The following TMEM132D variants were observed in gnomAD, a reference collection of about 807,000 sequenced individuals.
TMEM132D encodes the protein mature OL transmembrane protein.
Under a neutral mutation model 62.3 loss-of-function variants are expected in TMEM132D, and 21 were observed. The observed-to-expected ratio is 0.34, with a 90% CI of 0.24 to 0.49. TMEM132D has a LOEUF of 0.49. Among genes scored for constraint, TMEM132D ranks in the 20% least tolerant of loss-of-function variants. TMEM132D has a pLI of 0.99. For missense variants in TMEM132D, 1,346 were observed against 1,402.8 expected (o/e 0.96, Z 0.65); for synonymous variants, 621 against 575.6 (o/e 1.08, Z -1.13).
chr12:129,790,032 A>G (rs1871357278), intron 1 of TMEM132D, among the ~76,000 whole-genome samples: 1 of 152,200 alleles, frequency 6.6e-6, no homozygotes, highest in Admixed American at 6.5e-5. Flanking sequence ...TGCTAGAACT[A>G]GCGGGCTGCT....
chr12:129,606,319 G>A (rs1051747825), intron 2 of TMEM132D, among the ~76,000 whole-genome samples: 1 of 152,156 alleles, frequency 6.6e-6, no homozygotes, highest in African/African-American at 2.4e-5. Context: ...CTTGAGTAGG[G>A]CTTGGGGAAA....
chr12:129,214,864 A>C lies in TMEM132D; in HGVS notation c.1300-5201T>G, dbSNP rs141490116. Among the ~76,000 whole-genome samples the C allele has an allele frequency of 2.7e-3, 405 of 152,316 alleles. 4 individuals carry two copies. The highest frequency in any genetic ancestry group is 9.5e-3 in the African/African-American group (395 of 41,570). On this transcript the variant is annotated intron_variant, in intron 4 of 8. Transcript: ENST00000422113. The stretch of plus-strand genomic sequence containing the variant: ...GGAATACTTATATACTGTGGGTAGG[A>C]GTGTAAATTAGTTCAACCTTTGTGG...
intron 4 of TMEM132D, among the ~76,000 whole-genome samples, chr12:129,289,104 C>CG (rs1283235332): frequency 2.0e-5 from 3 of 151,582 alleles, no homozygotes; most frequent in African/African-American, 7.3e-5. Context: ...ATGGGGGTAT[C>CG]GGGGGGAATG....
chr12:129,517,098 A>T (rs1331104337), intron 3 of TMEM132D, among the ~76,000 whole-genome samples: 1 of 152,104 alleles, frequency 6.6e-6, no homozygotes, highest in Non-Finnish European at 1.5e-5. Context: ...CATGTAACCT[A>T]TATATTGACA....
At position 129,752,018 on chromosome 12, in the gene TMEM132D, C is replaced by T. The variant is rs142886012; in HGVS notation, c.80-51320G>A. ...CAAACTTCAACTGTTATTTGCTTAACAAAATCCCAATTCTTTAAAATGATA... is the reference window on the plus strand; with the variant it reads ...CAAACTTCAACTGTTATTTGCTTAATAAAATCCCAATTCTTTAAAATGATA... On this transcript the variant is annotated intron_variant, in intron 1 of 8. Coordinates refer to ENST00000422113, the MANE Select transcript of TMEM132D (RefSeq NM_133448.3). 7.2e-5 allele frequency among the ~76,000 whole-genome samples: 11 copies of T among 152,206 alleles called. No individual in the cohort carries two copies. The East Asian group carries it at 1.7e-3, about 24-fold the overall frequency.
At chr12:129,596,226 T>C (rs1458035969) in intron 2 of TMEM132D, among the ~76,000 whole-genome samples, 2 of 152,144 alleles carry the variant, frequency 1.3e-5, no homozygotes, top group African/African-American at 4.8e-5. Flanking sequence ...GATCTATAGC[T>C]CTTACTCATG....
At chr12:129,103,807 T>G (rs1875395120) in intron 5 of TMEM132D, among the ~76,000 whole-genome samples, 1 of 144,764 alleles carries the variant, frequency 6.9e-6, no homozygotes, top group Non-Finnish European at 1.5e-5. Flanking sequence ...TCAAAGAGAA[T>G]AAAATACCCA....
At chr12:129,514,126 A>G (rs1397157503) in intron 3 of TMEM132D, among the ~76,000 whole-genome samples, 2 of 152,042 alleles carry the variant, frequency 1.3e-5, no homozygotes, top group Non-Finnish European at 2.9e-5. Context: ...GGCGTGAGCC[A>G]CCGAGCCCGG....
intron 4 of TMEM132D, among the ~76,000 whole-genome samples, chr12:129,333,084 G>A (rs930914134): frequency 8.5e-5 from 13 of 152,136 alleles, no homozygotes; most frequent in African/African-American, 2.7e-4. Flanking sequence ...CCAAGGAGAA[G>A]AGAAAATGGG....
chr12:129,446,444 G>T (rs1406758993), intron 3 of TMEM132D, among the ~76,000 whole-genome samples: 1 of 152,188 alleles, frequency 6.6e-6, no homozygotes, highest in Non-Finnish European at 1.5e-5. Flanking sequence ...TGGAGAATAC[G>T]ATGTCTCAGG....
Position 129,747,777 on chromosome 12 carries a change from C to T in TMEM132D, c.80-47079G>A, listed in dbSNP as rs374612499. On this transcript the variant is annotated intron_variant, in intron 1 of 8. Transcript: ENST00000422113. ...CATCCAGACACACACACACTCAACA[C>T]ATTCACACACTCGACACAGACACAT... 5.3e-3 allele frequency among the ~76,000 whole-genome samples: 803 copies of T among 151,030 alleles called. 1 individual carries two copies. The highest frequency in any genetic ancestry group is 9.5e-3 in the Non-Finnish European group (640 of 67,686).
intron 4 of TMEM132D, among the ~76,000 whole-genome samples, chr12:129,321,232 T>C (rs956685087): frequency 6.6e-6 from 1 of 152,126 alleles, no homozygotes; most frequent in Non-Finnish European, 1.5e-5. Flanking sequence ...TGATGGAAAA[T>C]TCATAGGCTG....
At chr12:129,131,560 TCGTGGCCA>T (rs1769541166) in intron 5 of TMEM132D, among the ~76,000 whole-genome samples, 1 of 152,050 alleles carries the variant, frequency 6.6e-6, no homozygotes, top group Admixed American at 6.5e-5. Context: ...TGAGCCAAGA[TCGTGGCCA>T]CTGCACTCCA....
At chr12:129,741,610 G>A (rs974459385) in intron 1 of TMEM132D, among the ~76,000 whole-genome samples, 2 of 152,140 alleles carry the variant, frequency 1.3e-5, no homozygotes, top group Non-Finnish European at 2.9e-5. Flanking sequence ...AAGATAAAAG[G>A]GAAGAAGTGA....
At chr12:129,492,940 C>T (rs1284038841) in intron 3 of TMEM132D, among the ~76,000 whole-genome samples, 1 of 152,108 alleles carries the variant, frequency 6.6e-6, no homozygotes, top group Non-Finnish European at 1.5e-5. Flanking sequence ...TCCCCCTTTT[C>T]CTGAAATGAC....
chr12:129,838,654 A>G (rs1051827118), intron 1 of TMEM132D, among the ~76,000 whole-genome samples: 1 of 152,248 alleles, frequency 6.6e-6, no homozygotes, highest in Non-Finnish European at 1.5e-5. Context: ...AAAGTAATCA[A>G]AAAGAGAAAT....
At chr12:129,244,615 G>GT (rs541789149) in intron 4 of TMEM132D, among the ~76,000 whole-genome samples, 2 of 151,386 alleles carry the variant, frequency 1.3e-5, no homozygotes, top group Non-Finnish European at 2.9e-5. Flanking sequence ...ATGTTTGTTT[G>GT]TTTTTTGTTT....
chr12:129,894,092 T>G (rs1359243848), intron 1 of TMEM132D, among the ~76,000 whole-genome samples: 1 of 152,192 alleles, frequency 6.6e-6, no homozygotes, highest in Non-Finnish European at 1.5e-5. Context: ...AAGAGACACA[T>G]CCAAGACTGG....
intron 3 of TMEM132D, among the ~76,000 whole-genome samples, chr12:129,469,226 C>A (rs1307304524): frequency 6.6e-6 from 1 of 152,180 alleles, no homozygotes; most frequent in African/African-American, 2.4e-5. Flanking sequence ...TTTACTCACT[C>A]CTCGAATCAA....
Sources: gnomAD v4.1 joint callset for allele counts (sites outside exome capture counted in the v4.1 genomes callset) on GRCh38, gnomAD v4.1.1 for gene constraint, MANE v1.5 for transcripts, NCBI Gene and HGNC (gene_info 2026-07-23, HGNC 2026-07-21) for gene names.